The following RFX6 variants were observed in gnomAD, a reference collection of about 807,000 sequenced individuals.
The protein encoded by RFX6 is DNA-binding protein RFX6.
RFX6 carries 50 observed loss-of-function variants against 110.8 expected under a neutral mutation model. The ratio of observed to expected loss-of-function variants is 0.45; its 90% CI spans 0.36 to 0.57. The LOEUF (loss-of-function observed/expected upper bound fraction) is 0.57, where lower values mean the gene tolerates loss of function less well. Ranked by LOEUF, RFX6 falls within the 20% of genes least tolerant of loss-of-function variation. The pLI is 0.00. For missense variants in RFX6, 990 were observed against 1,127.0 expected, an observed-to-expected ratio of 0.88 and a Z score of 1.74; for synonymous variants, 383 against 411.2, an observed-to-expected ratio of 0.93 and a Z score of 0.83.
Position 116,877,815 on chromosome 6 carries a change from TA to T in RFX6, c.245del (p.Asn82ThrfsTer33), listed in dbSNP as rs1422671666. On this transcript the variant is annotated frameshift_variant, in exon 2 of 19. Coordinates refer to ENST00000332958, the MANE Select transcript of RFX6 (RefSeq NM_173560.4). LOFTEE classifies it high-confidence loss of function. ...VKSEMHLNNG[N>X]FSSEEEDADN... is the part of the protein sequence containing the mutation. The stretch of plus-strand genomic sequence containing the variant: ...AATCAGAAATGCACTTAAACAATGG[TA>T]ACTTTTCCTCTGAAGAAGAGGACGC... The T allele has an allele frequency of 6.2e-7, 1 of 1,613,920 alleles. No homozygotes were observed.
chr6:116,930,008 G>T (rs1201711454), intron 18 of RFX6, among the ~76,000 whole-genome samples: 1 of 152,186 alleles, frequency 6.6e-6, no homozygotes, highest in Non-Finnish European at 1.5e-5. Flanking sequence ...TAATGAAGCA[G>T]AAAATTCCAC....
chr6:116,886,509 A>G (rs1029177810), intron 4 of RFX6, among the ~76,000 whole-genome samples: 4 of 152,224 alleles, frequency 2.6e-5, no homozygotes, highest in Non-Finnish European at 5.9e-5. Context: ...GGAAAACACT[A>G]ATCTATGTGA....
At chr6:116,890,605 A>G (rs927122731) in intron 4 of RFX6, among the ~76,000 whole-genome samples, 7 of 152,150 alleles carry the variant, frequency 4.6e-5, no homozygotes, top group African/African-American at 1.7e-4. Context: ...GCTCAGCTAC[A>G]TCAACATATC....
intron 6 of RFX6, among the ~76,000 whole-genome samples, chr6:116,902,577 CA>C (rs1775099474): frequency 6.6e-6 from 1 of 151,968 alleles, no homozygotes; most frequent in Non-Finnish European, 1.5e-5. Flanking sequence ...ATTTTCTCCC[CA>C]TCAAAGAAAG....
intron 6 of RFX6, among the ~76,000 whole-genome samples, chr6:116,905,434 T>C (rs185841654): frequency 6.6e-6 from 1 of 152,366 alleles, no homozygotes; most frequent in East Asian, 1.9e-4. Context: ...ATATATTCTG[T>C]ATATTAATCC....
At chr6:116,922,353 C>T (rs1775620310) in intron 13 of RFX6, among the ~76,000 whole-genome samples, 1 of 152,086 alleles carries the variant, frequency 6.6e-6, no homozygotes, top group Non-Finnish European at 1.5e-5. Flanking sequence ...GGCATGGATT[C>T]CATTATATTT....
chr6:116,911,342 C>T (rs949090955), intron 7 of RFX6, among the ~76,000 whole-genome samples: 2 of 152,138 alleles, frequency 1.3e-5, no homozygotes, highest in African/African-American at 2.4e-5. Context: ...CTGTCACATA[C>T]ACTTTCTTCA....
chr6:116,900,353 C>T (rs920175361), intron 6 of RFX6, among the ~76,000 whole-genome samples: 7 of 151,936 alleles, frequency 4.6e-5, no homozygotes, highest in Non-Finnish European at 1.0e-4. Flanking sequence ...CTCCAGTGTT[C>T]AAGTGATTCT....
intron 6 of RFX6, among the ~76,000 whole-genome samples, chr6:116,899,980 G>T (rs955562873): frequency 6.6e-6 from 1 of 152,160 alleles, no homozygotes; most frequent in Non-Finnish European, 1.5e-5. Flanking sequence ...AGTAGTAGAA[G>T]ATGCGAATAG....
chr6:116,880,269 T>C (rs1023836825), intron 2 of RFX6, among the ~76,000 whole-genome samples: 1 of 152,082 alleles, frequency 6.6e-6, no homozygotes, highest in Admixed American at 6.6e-5. Flanking sequence ...GAGGTTTATA[T>C]AGAAGACCTA....
At chr6:116,881,906 C>A (rs339354) in intron 3 of RFX6, among the ~76,000 whole-genome samples, 104,073 of 151,900 alleles carry the variant, frequency 0.69, 36,237 homozygotes, top group East Asian at 0.88. Flanking sequence ...ATTTTAGCAA[C>A]TTTAGAGAAA....
At chr6:116,888,774 T>C (rs990973883) in intron 4 of RFX6, among the ~76,000 whole-genome samples, 15 of 152,170 alleles carry the variant, frequency 9.9e-5, no homozygotes, top group African/African-American at 3.4e-4. Flanking sequence ...TGGTAAATAC[T>C]CCCTAGCAAG....
chr6:116,925,497 CT>C lies in RFX6; in HGVS notation c.1724del (p.Leu575ArgfsTer15), dbSNP rs1469442034. The C allele has an allele frequency of 2.5e-6, 4 of 1,614,146 alleles. No homozygotes were observed. Among genetic ancestry groups the C allele is most frequent in the Non-Finnish European group, 3.4e-6 (4 of 1,179,972 alleles). On this transcript the variant is annotated frameshift_variant, in exon 16 of 19. Transcript: ENST00000332958. ...CACTGCTTCTCCGAGTTCATGCTTTCTGGCCAACCGTAATAAAGGGAGCATG... is the reference window on the plus strand; with the variant it reads ...CACTGCTTCTCCGAGTTCATGCTTTCGGCCAACCGTAATAAAGGGAGCATG... The part of the protein sequence containing the change: ...AFTASPSSCF[L>X]ANRNKGSMVS...
At chr6:116,921,798 G>C (rs939666572) in intron 12 of RFX6, among the ~76,000 whole-genome samples, 1 of 151,918 alleles carries the variant, frequency 6.6e-6, no homozygotes, top group African/African-American at 2.4e-5. Flanking sequence ...ACTCCAGCCT[G>C]GGCAACAAAG....
chr6:116,912,891 T>C (rs1360585446), intron 7 of RFX6, among the ~76,000 whole-genome samples: 2 of 152,146 alleles, frequency 1.3e-5, no homozygotes, highest in Non-Finnish European at 2.9e-5. Context: ...TTTATAACCC[T>C]TGGTTTCTAA....
chr6:116,906,121 T>TTGTCCTTTCCCCAC (rs1775196872), intron 6 of RFX6, among the ~76,000 whole-genome samples: 1 of 152,076 alleles, frequency 6.6e-6, no homozygotes, highest in Non-Finnish European at 1.5e-5. Flanking sequence ...CCTTTCCCCA[T>TTGTCCTTTCCCCAC]AGAATTGTCC....
intron 12 of RFX6, among the ~76,000 whole-genome samples, chr6:116,921,610 G>C (rs748826413): frequency 5.3e-5 from 8 of 151,856 alleles, no homozygotes; most frequent in Non-Finnish European, 1.2e-4. Flanking sequence ...TTGATCCCAG[G>C]AGTTCAAGGC....
intron 6 of RFX6, among the ~76,000 whole-genome samples, chr6:116,902,700 C>G (rs779135002): frequency 6.6e-6 from 1 of 151,910 alleles, no homozygotes; most frequent in African/African-American, 2.4e-5. Context: ...ACATTTCTAC[C>G]AGGAAGTTTC....
At chr6:116,904,216 GTT>G (rs921187648) in intron 6 of RFX6, among the ~76,000 whole-genome samples, 2 of 151,798 alleles carry the variant, frequency 1.3e-5, no homozygotes, top group African/African-American at 4.8e-5. Context: ...AGATCATATC[GTT>G]TTTTATTTTG....
Sources: gnomAD v4.1 joint callset for allele counts (sites outside exome capture counted in the v4.1 genomes callset) on GRCh38, gnomAD v4.1.1 for gene constraint, MANE v1.5 for transcripts, NCBI Gene and HGNC (gene_info 2026-07-23, HGNC 2026-07-21) for gene names.